B3GALNT2: variants seen among roughly 807,000 people sequenced by gnomAD.
B3GALNT2 encodes UDP-GalNAc:beta-1,3-N-acetylgalactosaminyltransferase 2.
In B3GALNT2, 53 loss-of-function variants were observed where a neutral mutation model predicts 61.1. That is an observed-to-expected ratio of 0.87 (90% CI 0.70 to 1.09). The LOEUF is 1.09. Among genes scored for constraint, B3GALNT2 ranks in the 50% least tolerant of loss-of-function variants. The pLI, the probability that B3GALNT2 is intolerant of heterozygous loss-of-function variation, is 0.00. For missense variants in B3GALNT2, 544 were observed against 623.0 expected, an observed-to-expected ratio of 0.87 and a Z score of 1.35; for synonymous variants, 223 against 237.4, an observed-to-expected ratio of 0.94 and a Z score of 0.56.
intron 8 of B3GALNT2, among the ~76,000 whole-genome samples, chr1:235,457,161 A>AT (rs1454447775): frequency 1.3e-5 from 2 of 152,040 alleles, no homozygotes; most frequent in Non-Finnish European, 2.9e-5. Flanking sequence ...GCTAAGAAAC[A>AT]TTACCTTCCA....
At position 235,484,373 on chromosome 1, in the gene B3GALNT2, A is replaced by C. The variant is rs1253979989; in HGVS notation, c.504T>G (p.Asp168Glu). Residue 168 changes from aspartate to glutamate, a missense_variant, in exon 4 of 12, where the codon GAT (aspartate) becomes GAG (glutamate). Physicochemically the swap from Asp to Glu is conservative, Grantham distance 45. Coordinates refer to ENST00000366600, the MANE Select transcript of B3GALNT2 (RefSeq NM_152490.5). ...CAGTGATGTTCCTCTGGAAACCCAC[A>C]TCATTGGCATCGTAGAACACTCCAA... ...TSLGVFYDAN[D>E]VGFQRNITVK... is the part of the protein sequence containing the mutation. The C allele has an allele frequency of 6.2e-7, 1 of 1,614,192 alleles. No individual in the cohort carries two copies. The highest frequency in any genetic ancestry group is 1.1e-5 in the South Asian group (1 of 91,084).
At chr1:235,473,046 C>T (rs1344463682) in intron 5 of B3GALNT2, among the ~76,000 whole-genome samples, 2 of 152,176 alleles carry the variant, frequency 1.3e-5, no homozygotes, top group Non-Finnish European at 2.9e-5. Flanking sequence ...TCCCAAGTAG[C>T]TGGGATTACA....
intron 2 of B3GALNT2, among the ~76,000 whole-genome samples, chr1:235,490,284 A>G (rs291399): frequency 0.51 from 76,804 of 152,000 alleles, 20,241 homozygotes; most frequent in African/African-American, 0.59. Flanking sequence ...AGGCTGGAAT[A>G]CAACAGTGTA....
At chr1:235,467,134 G>A (rs1403751346) in intron 6 of B3GALNT2, among the ~76,000 whole-genome samples, 9 of 152,072 alleles carry the variant, frequency 5.9e-5, no homozygotes, top group Non-Finnish European at 1.2e-4. Flanking sequence ...GGATCACGAG[G>A]ACAAGACATC....
chr1:235,483,292 T>C (rs779918917), intron 4 of B3GALNT2, among the ~76,000 whole-genome samples: 21 of 152,098 alleles, frequency 1.4e-4, no homozygotes, highest in Admixed American at 1.2e-3. Context: ...CTAACATACA[T>C]GTAACTGGAA....
At chr1:235,502,006 TTTAA>T (rs1305935631) in intron 1 of B3GALNT2, among the ~76,000 whole-genome samples, 1 of 152,180 alleles carries the variant, frequency 6.6e-6, no homozygotes, top group Non-Finnish European at 1.5e-5. Context: ...GTCAGTCTTG[TTTAA>T]TTAATTAATT....
intron 2 of B3GALNT2, among the ~76,000 whole-genome samples, chr1:235,491,099 A>T (rs1685047313): frequency 6.6e-6 from 1 of 152,132 alleles, no homozygotes; most frequent in African/African-American, 2.4e-5. Context: ...AAAAAAAAAA[A>T]AGTCAAGGAA....
chr1:235,462,507 C>A (rs1024284193), intron 7 of B3GALNT2, among the ~76,000 whole-genome samples: 2 of 152,176 alleles, frequency 1.3e-5, no homozygotes, highest in African/African-American at 2.4e-5. Flanking sequence ...ATACATGGAT[C>A]TGTTCAGCAA....
At chr1:235,469,641 C>T (rs997850200) in intron 6 of B3GALNT2, among the ~76,000 whole-genome samples, 10 of 152,102 alleles carry the variant, frequency 6.6e-5, no homozygotes, top group African/African-American at 1.9e-4. Flanking sequence ...CAACCTCCAC[C>T]TCTGGGGTTC....
chr1:235,441,791 A>C, the B3GALNT2 span: 2 of 1,610,470 alleles, frequency 1.2e-6, no homozygotes. Flanking sequence ...TTTATCATTC[A>C]TCTCTTTTGC....
At chr1:235,503,046 T>TTTTCC (rs1422119812) in intron 1 of B3GALNT2, among the ~76,000 whole-genome samples, 1 of 152,264 alleles carries the variant, frequency 6.6e-6, no homozygotes, top group East Asian at 1.9e-4. Context: ...AAAGAGATTG[T>TTTTCC]TACCAAAATA....
rs1682820476 is a variant in B3GALNT2 at position 235,450,317 on chromosome 1, C to A, written c.1392G>T (p.Lys464Asn). Residue 464 changes from lysine to asparagine, a missense_variant, in exon 12 of 12, where the codon AAG becomes AAT. Coordinates refer to ENST00000366600, the MANE Select transcript of B3GALNT2 (RefSeq NM_152490.5). ...RYQDSLWLCE[K>N]TCETGMLSSP... ...AAGACAGCATTCCTGTCTCACAGGT[C>A]TTCTCACACAGCCACAGACTGTCCT... 6.2e-7 allele frequency: 1 copy of A among 1,614,062 alleles called. No individual in the cohort carries two copies. The highest frequency in any genetic ancestry group is 1.3e-5 in the African/African-American group (1 of 75,046).
At chr1:235,453,181 T>G (rs1476197532) in intron 10 of B3GALNT2, 35 bp from the exon 11 acceptor site, 11 of 1,562,242 alleles carry the variant, frequency 7.0e-6, no homozygotes, top group Non-Finnish European at 8.8e-6. Context: ...ATGTAAAAAT[T>G]TTAATGCTAT....
chr1:235,498,441 T>C (rs2102869676), intron 1 of B3GALNT2, among the ~76,000 whole-genome samples: 1 of 152,346 alleles, frequency 6.6e-6, no homozygotes, highest in Middle Eastern at 3.4e-3. Context: ...ATTAGAGCAA[T>C]GAGACACCAG....
At chr1:235,503,281 T>C (rs765786739) in intron 1 of B3GALNT2, among the ~76,000 whole-genome samples, 25 of 152,382 alleles carry the variant, frequency 1.6e-4, no homozygotes, top group Non-Finnish European at 2.6e-4. Flanking sequence ...GTTTCTTTCA[T>C]GTTCTAGGGC....
intron 3 of B3GALNT2, among the ~76,000 whole-genome samples, chr1:235,487,962 T>G (rs1364314687): frequency 6.6e-6 from 1 of 152,116 alleles, no homozygotes; most frequent in African/African-American, 2.4e-5. Flanking sequence ...CTAATGTTTT[T>G]TTTTTCAGAC....
At chr1:235,457,718 G>A (rs704710) in intron 8 of B3GALNT2, among the ~76,000 whole-genome samples, 74,955 of 151,652 alleles carry the variant, frequency 0.49, 19,067 homozygotes, top group East Asian at 0.65. Context: ...GGAAGTATAA[G>A]GTGGATATTC....
rs761230696 is a variant in B3GALNT2 at position 235,501,393 on chromosome 1, T to TA, written c.112+2747dup. Among the ~76,000 whole-genome samples the TA allele has an allele frequency of 2.6e-5, 4 of 152,364 alleles. No homozygotes were observed. In the East Asian group the frequency reaches 7.7e-4, roughly 29 times the overall value. On this transcript the variant is annotated intron_variant, in intron 1 of 11. Transcript: ENST00000366600. ...TTCATTCTGGTCCCTGCTCAACTGT[T>TA]ACCTCTTCAGAATGGAATGGACTTC...
In B3GALNT2 at chr1:235,460,709, T is replaced by C. The variant is rs145800634; in HGVS notation, c.842-1923A>G. 1.6e-3 allele frequency among the ~76,000 whole-genome samples: 239 copies of C among 151,792 alleles called. 1 individual carries two copies. Among genetic ancestry groups the C allele is most frequent in the Admixed American group, 2.6e-3 (39 of 15,230 alleles). ...CCACCTCAGCTTCCCAAGTAGCTGGTACTCCCGGCACCTGTCACCATACCC... is the reference window on the plus strand; with the variant it reads ...CCACCTCAGCTTCCCAAGTAGCTGGCACTCCCGGCACCTGTCACCATACCC... On this transcript the variant is annotated intron_variant, in intron 7 of 11. Coordinates refer to ENST00000366600, the MANE Select transcript of B3GALNT2 (RefSeq NM_152490.5).
Sources: allele counts gnomAD v4.1 joint callset (sites outside exome capture counted in the v4.1 genomes callset), GRCh38; gene constraint gnomAD v4.1.1; transcripts MANE v1.5; gene names NCBI Gene and HGNC (gene_info 2026-07-23, HGNC 2026-07-21).